The following CLCN5 variants were observed in gnomAD, a reference collection of about 807,000 sequenced individuals.
CLCN5 encodes the protein H(+)/Cl(-) exchange transporter 5.
A neutral mutation model predicts 54.0 loss-of-function variants in CLCN5; 17 were observed. The observed-to-expected ratio is 0.31, with a 90% CI of 0.22 to 0.47. The LOEUF is 0.47. Among genes scored for constraint, CLCN5 ranks in the 20% least tolerant of loss-of-function variants. The pLI is 1.00. For missense variants in CLCN5, 448 were observed against 646.7 expected (o/e 0.69, Z 3.33); for synonymous variants, 222 against 233.0 (o/e 0.95, Z 0.43).
intron 3 of CLCN5, among the ~76,000 whole-genome samples, chrX:49,929,786 T>C (rs1205669290): frequency 9.3e-6 from 1 of 107,929 alleles, no homozygotes; most frequent in Non-Finnish European, 1.9e-5. Flanking sequence ...TTTGTTTTTT[T>C]TTTTTTTGGA....
intron 3 of CLCN5, chrX:50,009,725 C>T: frequency 2.6e-6 from 1 of 386,999 alleles, no homozygotes; most frequent in South Asian, 2.3e-5. Context: ...CTGCTCTGCT[C>T]TTCCTCTCTA....
rs1557193236 is a variant in CLCN5 at position 50,081,854 on chromosome X, A to T, written c.933+7A>T. The stretch of plus-strand genomic sequence containing the variant: ...TGAAGCCAAGCGCAGAGAGGTAATA[A>T]TGAATGGCCTTAATAGTCTCTTTTT... On this transcript the variant is annotated splice_region_variant and intron_variant, in intron 9 of 14. Coordinates refer to ENST00000376091, the MANE Select transcript of CLCN5 (RefSeq NM_001127898.4). 8.4e-7 allele frequency: 1 copy of T among 1,192,144 alleles called. No homozygotes were observed. Among genetic ancestry groups the T allele is most frequent in the Admixed American group, 2.2e-5 (1 of 45,506 alleles).
intron 3 of CLCN5, among the ~76,000 whole-genome samples, chrX:49,926,745 T>C (rs1323061546): frequency 8.9e-6 from 1 of 112,114 alleles, no homozygotes; most frequent in Non-Finnish European, 1.9e-5. Flanking sequence ...AAGACAAAGA[T>C]TCTAAACAGG....
At chrX:50,078,014 C>A (rs1557192445) in intron 7 of CLCN5, among the ~76,000 whole-genome samples, 1 of 95,209 alleles carries the variant, frequency 1.1e-5, no homozygotes, top group African/African-American at 3.9e-5. Flanking sequence ...GGCGACAGAG[C>A]AAGACTCTAT....
chrX:49,973,894 C>G (rs1454080128), intron 3 of CLCN5, among the ~76,000 whole-genome samples: 1 of 111,622 alleles, frequency 9.0e-6, no homozygotes, highest in Admixed American at 9.5e-5. Flanking sequence ...AAAATAAACT[C>G]CCTTCCCATC....
At chrX:50,031,994 T>C (rs1198042778) in intron 3 of CLCN5, among the ~76,000 whole-genome samples, 14 of 106,816 alleles carry the variant, frequency 1.3e-4, no homozygotes, top group Non-Finnish European at 1.9e-4. Context: ...CTTGCGATAG[T>C]TTACTGAGAA....
intron 6 of CLCN5, among the ~76,000 whole-genome samples, chrX:50,074,904 G>A (rs1204562903): frequency 9.0e-6 from 1 of 111,640 alleles, no homozygotes; most frequent in Admixed American, 9.5e-5. Context: ...ATTTCTTTAT[G>A]CCAGAGTTTC....
At chrX:50,070,548 GAA>G (rs1285147909) in intron 5 of CLCN5, among the ~76,000 whole-genome samples, 1 of 111,540 alleles carries the variant, frequency 9.0e-6, no homozygotes, top group Non-Finnish European at 1.9e-5. Flanking sequence ...AGGAATAAAA[GAA>G]AAAAATCTCA....
rs1343422605 is a variant in CLCN5 at position 50,096,121 on chromosome X, A to G, written c.*3902A>G. 1 of 111,554 alleles carries G rather than the reference A, an allele frequency of 9.0e-6. No individual in the cohort carries two copies. The highest frequency in any genetic ancestry group is 1.9e-5 in the Non-Finnish European group (1 of 53,157). The allele number at this position is 111,554 out of a possible 1,213,427, so 9.2% of individuals were successfully genotyped here. On this transcript the variant is annotated 3_prime_UTR_variant, in exon 15 of 15. Coordinates refer to ENST00000376091, the MANE Select transcript of CLCN5 (RefSeq NM_001127898.4). ...CTGCACTGGATCAGAGCCAAATGCA[A>G]GCCACCCATCAGTTCAGAGGAAGCA...
chrX:49,933,666 A>G, intron 3 of CLCN5, among the ~76,000 whole-genome samples: 1 of 112,057 alleles, frequency 8.9e-6, no homozygotes, highest in Non-Finnish European at 1.9e-5. Context: ...CATCTGTAAA[A>G]TGGGGTTAAT....
chrX:50,023,478 AT>A (rs1931219023), intron 3 of CLCN5, among the ~76,000 whole-genome samples: 1 of 12,522 alleles, frequency 8.0e-5, no homozygotes, highest in Non-Finnish European at 1.2e-4. Context: ...GTCCATTTAT[AT>A]TTAAAGTTAA....
intron 3 of CLCN5, among the ~76,000 whole-genome samples, chrX:49,932,353 G>T (rs782105960): frequency 1.8e-5 from 2 of 112,776 alleles, no homozygotes; most frequent in East Asian, 5.5e-4. Context: ...GTCTCCAGAT[G>T]ATGGGATACA....
At chrX:50,050,969 G>A (rs1390038800) in intron 4 of CLCN5, among the ~76,000 whole-genome samples, 1 of 111,187 alleles carries the variant, frequency 9.0e-6, no homozygotes, top group African/African-American at 3.3e-5. Context: ...GCCGTGGCTT[G>A]TCTTTTTATA....
chrX:49,932,283 C>T (rs1361635026), intron 3 of CLCN5, among the ~76,000 whole-genome samples: 1 of 111,980 alleles, frequency 8.9e-6, no homozygotes, highest in African/African-American at 3.2e-5. Flanking sequence ...TACATATACA[C>T]CTATGAAGTG....
At chrX:49,939,459 T>A (rs1216464273) in intron 3 of CLCN5, among the ~76,000 whole-genome samples, 2 of 111,055 alleles carry the variant, frequency 1.8e-5, no homozygotes, top group Admixed American at 1.9e-4. Context: ...TATGCAGCCA[T>A]AAAAAAGGAT....
intron 3 of CLCN5, among the ~76,000 whole-genome samples, chrX:49,994,779 G>GAT (rs782468971): frequency 7.2e-5 from 8 of 111,753 alleles, no homozygotes; most frequent in Non-Finnish European, 1.5e-4. Context: ...TCTCTTAACA[G>GAT]ATATACAGCA....
At position 50,095,337 on chromosome X, in the gene CLCN5, C is replaced by CT. The variant is rs1934229277; in HGVS notation, c.*3119dup. On this transcript the variant is annotated 3_prime_UTR_variant, in exon 15 of 15. Coordinates refer to ENST00000376091, the MANE Select transcript of CLCN5 (RefSeq NM_001127898.4). ...TATATTGGAGGGAAAAAGCAGGGGA[C>CT]TGATAATACAAAATAATGGCAACTT... 1 of 112,380 alleles carries CT rather than the reference C, an allele frequency of 8.9e-6. No homozygotes were observed. 9.3% of individuals were successfully genotyped at this position (112,380 alleles called of 1,213,427 possible). A position where few individuals can be genotyped will look rare whatever the true frequency, so the allele number is the denominator to read the frequency against.
At chrX:49,925,383 G>A (rs1184056546) in intron 3 of CLCN5, 69 bp downstream of exon 3, 5 of 1,053,631 alleles carry the variant, frequency 4.7e-6, no homozygotes, top group Admixed American at 2.2e-5. Context: ...TCACCCAACC[G>A]TTCCCCACCC....
At chrX:50,032,084 G>A (rs1200648845) in intron 3 of CLCN5, among the ~76,000 whole-genome samples, 1 of 110,269 alleles carries the variant, frequency 9.1e-6, no homozygotes, top group Non-Finnish European at 1.9e-5. Flanking sequence ...ATTCCATGGT[G>A]TATATGTGCC....
Sources: gnomAD v4.1 joint callset for allele counts (sites outside exome capture counted in the v4.1 genomes callset) on GRCh38, gnomAD v4.1.1 for gene constraint, MANE v1.5 for transcripts, NCBI Gene and HGNC (gene_info 2026-07-23, HGNC 2026-07-21) for gene names.